The following OPN3 variants were observed in gnomAD, a reference collection of about 807,000 sequenced individuals.
OPN3 encodes opsin-3.
OPN3 carries 29 observed loss-of-function variants against 33.8 expected under a neutral mutation model. The ratio of observed to expected loss-of-function variants is 0.86; its 90% CI spans 0.64 to 1.17. The LOEUF (loss-of-function observed/expected upper bound fraction) is 1.17, where lower values mean the gene tolerates loss of function less well. Among genes scored for constraint, OPN3 ranks in the 50% most tolerant of loss-of-function variants. The pLI, the probability that OPN3 is intolerant of heterozygous loss-of-function variation, is 0.00. For missense variants in OPN3, 437 were observed against 514.1 expected, an observed-to-expected ratio of 0.85 and a Z score of 1.45; for synonymous variants, 216 against 216.1, an observed-to-expected ratio of 1.00 and a Z score of 0.00.
chr1:241,635,658 T>C, intron 1 of OPN3: 2 of 1,614,050 alleles, frequency 1.2e-6, no homozygotes, highest in East Asian at 2.2e-5. Context: ...CTTGAATCAA[T>C]ATGCAGAACC....
At chr1:241,609,942 T>C (rs1319422916) in intron 1 of OPN3, among the ~76,000 whole-genome samples, 8 of 152,242 alleles carry the variant, frequency 5.3e-5, no homozygotes, top group Non-Finnish European at 8.8e-5. Flanking sequence ...TTTTTCTTAC[T>C]GTTTTCCCTA....
chr1:241,605,063 A>T (rs903116666), intron 1 of OPN3, among the ~76,000 whole-genome samples: 1 of 135,074 alleles, frequency 7.4e-6, no homozygotes, highest in Admixed American at 7.7e-5. Flanking sequence ...CTCAAAAAAA[A>T]AAAAAATAAA....
At chr1:241,608,758 G>A (rs1191877828) in intron 1 of OPN3, among the ~76,000 whole-genome samples, 3 of 152,176 alleles carry the variant, frequency 2.0e-5, no homozygotes, top group Non-Finnish European at 2.9e-5. Context: ...TGAGTTTCAG[G>A]TGCCTGATTT....
chr1:241,624,621 C>T lies in OPN3; in HGVS notation c.373+15261G>A, dbSNP rs540649385. On this transcript the variant is annotated intron_variant, in intron 1 of 3. Coordinates refer to ENST00000366554, the MANE Select transcript of OPN3 (RefSeq NM_014322.3). ...ACAGATTCTGACTTTCAGAGAGTTA[C>T]TGAGCCTTATTTCTCATCTACATAT... 3.9e-5 allele frequency among the ~76,000 whole-genome samples: 6 copies of T among 152,218 alleles called. 1 individual carries two copies. The South Asian group carries it at 1.2e-3, about 32-fold the overall frequency.
chr1:241,604,338 G>GA lies in OPN3; in HGVS notation c.614dup (p.Phe207IlefsTer44), dbSNP rs761968385. On this transcript the variant is annotated frameshift_variant, in exon 2 of 4. Coordinates refer to ENST00000366554, the MANE Select transcript of OPN3 (RefSeq NM_014322.3). LOFTEE classifies it high-confidence loss of function. Reference sequence around the variant, plus strand: ...GCACCACCAGGCAGCCAAGAAATAAGAAAAGCACAAAGGAGGAATCGTTGG... The same window carrying GA: ...GCACCACCAGGCAGCCAAGAAATAAGAAAAAGCACAAAGGAGGAATCGTTGG... 1.2e-6 allele frequency: 2 copies of GA among 1,614,188 alleles called. No homozygotes were observed. The highest frequency in any genetic ancestry group is 1.7e-6 in the Non-Finnish European group (2 of 1,180,024).
At chr1:241,631,724 C>T (rs889688017) in intron 1 of OPN3, 2 of 152,098 alleles carry the variant, frequency 1.3e-5, no homozygotes, top group African/African-American at 2.4e-5. Flanking sequence ...AATTCTGCTT[C>T]GAGATCCATG....
chr1:241,623,475 A>T (rs1227403833), intron 1 of OPN3, among the ~76,000 whole-genome samples: 1 of 152,166 alleles, frequency 6.6e-6, no homozygotes, highest in Non-Finnish European at 1.5e-5. Flanking sequence ...ATTTAATACC[A>T]TTAGGTGCTT....
chr1:241,610,123 C>T lies in OPN3; in HGVS notation c.374-5544G>A, dbSNP rs181141428. Among the ~76,000 whole-genome samples the T allele has an allele frequency of 3.3e-5, 5 of 152,364 alleles. No homozygotes were observed. The East Asian group carries it at 9.6e-4, about 29-fold the overall frequency. On this transcript the variant is annotated intron_variant, in intron 1 of 3. Coordinates refer to ENST00000366554, the MANE Select transcript of OPN3 (RefSeq NM_014322.3). ...GACAGCGGTCTGTAAAATCAAATCT[C>T]GTTGGCATATCATTAGGCTTTGCCT...
intron 1 of OPN3, chr1:241,632,921 C>T (rs1003981352): frequency 6.6e-6 from 1 of 152,090 alleles, no homozygotes; most frequent in Non-Finnish European, 1.5e-5. Context: ...AATTTCAGAA[C>T]AGCCCTTCTG....
intron 1 of OPN3, among the ~76,000 whole-genome samples, chr1:241,627,189 C>T (rs1489023089): frequency 6.6e-6 from 1 of 152,152 alleles, no homozygotes; most frequent in Non-Finnish European, 1.5e-5. Flanking sequence ...CAGGAGTGAA[C>T]TTAACTCCCT....
At chr1:241,620,023 A>T (rs1664233102) in intron 1 of OPN3, among the ~76,000 whole-genome samples, 1 of 151,736 alleles carries the variant, frequency 6.6e-6, no homozygotes, top group Admixed American at 6.6e-5. Context: ...CAAATGAGAC[A>T]TACAGATGTT....
At chr1:241,639,030 A>G (rs1665009708) in intron 1 of OPN3, among the ~76,000 whole-genome samples, 1 of 152,230 alleles carries the variant, frequency 6.6e-6, no homozygotes, top group African/African-American at 2.4e-5. Context: ...TCCTTCAATG[A>G]TTTGCTGAGT....
intron 1 of OPN3, among the ~76,000 whole-genome samples, chr1:241,611,398 A>G (rs547558381): frequency 2.0e-5 from 3 of 151,696 alleles, no homozygotes; most frequent in East Asian, 3.9e-4. Context: ...AACTCTGCCT[A>G]TAGTGGGAGG....
intron 1 of OPN3, among the ~76,000 whole-genome samples, chr1:241,616,259 G>A (rs570801984): frequency 1.2e-4 from 19 of 152,124 alleles, no homozygotes; most frequent in African/African-American, 4.3e-4. Context: ...CTTTATATGC[G>A]GGGAACGTGT....
intron 1 of OPN3, among the ~76,000 whole-genome samples, chr1:241,617,592 G>A (rs990607451): frequency 3.9e-5 from 6 of 152,204 alleles, no homozygotes; most frequent in Non-Finnish European, 7.3e-5. Flanking sequence ...TTCCATTTAA[G>A]TCATTTTCTA....
At chr1:241,639,196 G>T (rs536442350) in intron 1 of OPN3, 1 of 152,190 alleles carries the variant, frequency 6.6e-6, no homozygotes, top group African/African-American at 2.4e-5. Flanking sequence ...AGATGGTATT[G>T]GCTGAGCCAT....
At position 241,604,689 on chromosome 1, in the gene OPN3, A is replaced by T. The variant is rs1160753733; in HGVS notation, c.374-110T>A. 4.1e-6 allele frequency: 4 copies of T among 980,218 alleles called. No homozygotes were observed. In the African/African-American group the frequency reaches 6.5e-5, roughly 16 times the overall value. The allele number at this position is 980,218 out of a possible 1,614,324, so 60.7% of individuals were successfully genotyped here. A position where few individuals can be genotyped will look rare whatever the true frequency, so the allele number is the denominator to read the frequency against. ...ACCTTACAGAGTATCTGAGATCGAT[A>T]GAGTGCTCTCAAAGCCAAGAGTAAT... On this transcript the variant is annotated intron_variant, in intron 1 of 3. Coordinates refer to ENST00000366554, the MANE Select transcript of OPN3 (RefSeq NM_014322.3).
At chr1:241,629,869 A>C (rs953325522) in intron 1 of OPN3, 1 of 152,206 alleles carries the variant, frequency 6.6e-6, no homozygotes, top group African/African-American at 2.4e-5. Context: ...AATATTCAGA[A>C]AGGTTGCTTA....
chr1:241,634,693 G>A (rs757472891), intron 1 of OPN3: 41 of 1,613,830 alleles, frequency 2.5e-5, no homozygotes, highest in Non-Finnish European at 3.1e-5. Context: ...TTTTAGTTGC[G>A]TTAAGACCAT....
Sources: allele counts gnomAD v4.1 joint callset (sites outside exome capture counted in the v4.1 genomes callset), GRCh38; gene constraint gnomAD v4.1.1; transcripts MANE v1.5; gene names NCBI Gene and HGNC (gene_info 2026-07-23, HGNC 2026-07-21).